The following DHRSX variants were observed in gnomAD, a reference collection of about 807,000 sequenced individuals.
The protein encoded by DHRSX is polyprenol dehydrogenase.
Under a neutral mutation model 34.0 loss-of-function variants are expected in DHRSX, and 31 were observed. The ratio of observed to expected loss-of-function variants is 0.91; its 90% CI spans 0.69 to 1.23. The LOEUF (loss-of-function observed/expected upper bound fraction) is 1.23, where lower values mean the gene tolerates loss of function less well. Ranked by LOEUF, DHRSX falls within the 50% of genes most tolerant of loss-of-function variation. The pLI, the probability that DHRSX is intolerant of heterozygous loss-of-function variation, is 0.00. For synonymous variants in DHRSX, 201 were observed against 183.8 expected, an observed-to-expected ratio of 1.09 and a Z score of -0.76; for missense variants, 414 against 428.1, an observed-to-expected ratio of 0.97 and a Z score of 0.29.
intron 3 of DHRSX, among the ~76,000 whole-genome samples, chrX:2,395,689 C>T (rs971252811): frequency 1.3e-5 from 2 of 152,086 alleles, no homozygotes; most frequent in African/African-American, 4.8e-5. Flanking sequence ...GAGGCCAACA[C>T]TTCAGAGTGA....
At chrX:2,378,677 A>C (rs1569495365) in intron 3 of DHRSX, among the ~76,000 whole-genome samples, 4 of 149,454 alleles carry the variant, frequency 2.7e-5, no homozygotes, top group African/African-American at 9.8e-5. Flanking sequence ...CTCTTGATTA[A>C]TTTTTTTTTT....
intron 3 of DHRSX, among the ~76,000 whole-genome samples, chrX:2,359,759 T>A (rs952585858): frequency 5.9e-5 from 9 of 152,062 alleles, no homozygotes; most frequent in African/African-American, 2.2e-4. Context: ...AAGAACAAGA[T>A]CATGTCCTTT....
chrX:2,239,923 A>G (rs1433419344), intron 6 of DHRSX, among the ~76,000 whole-genome samples: 1 of 152,230 alleles, frequency 6.6e-6, no homozygotes, highest in Non-Finnish European at 1.5e-5. Flanking sequence ...TTAATAAAAT[A>G]ACTAATATTT....
At chrX:2,259,294 A>G (rs1326429741) in intron 5 of DHRSX, among the ~76,000 whole-genome samples, 2 of 147,688 alleles carry the variant, frequency 1.4e-5, no homozygotes, top group Non-Finnish European at 3.0e-5. Context: ...ATATAGATAG[A>G]TATATAGATA....
intron 3 of DHRSX, among the ~76,000 whole-genome samples, chrX:2,384,898 C>A (rs2043251638): frequency 6.9e-6 from 1 of 145,520 alleles, no homozygotes; most frequent in Admixed American, 6.9e-5. Context: ...TACCCTAAAA[C>A]TTAAAGTATA....
chrX:2,387,023 C>T (rs2043280641), intron 3 of DHRSX, among the ~76,000 whole-genome samples: 1 of 152,006 alleles, frequency 6.6e-6, no homozygotes, highest in Non-Finnish European at 1.5e-5. Flanking sequence ...TTCTTACTAG[C>T]ACGAGAACTT....
chrX:2,364,979 G>C (rs144391389), intron 3 of DHRSX, among the ~76,000 whole-genome samples: 1 of 152,002 alleles, frequency 6.6e-6, no homozygotes, highest in Non-Finnish European at 1.5e-5. Context: ...GTTTTCAACT[G>C]AGCAAAATTT....
chrX:2,423,406 TG>T (rs1569499550), intron 2 of DHRSX, among the ~76,000 whole-genome samples: 2 of 54,188 alleles, frequency 3.7e-5, no homozygotes, highest in Non-Finnish European at 5.7e-5. Flanking sequence ...AGCAAGATTC[TG>T]TCTCAAAAAA....
At position 2,253,831 on chromosome X, in the gene DHRSX, C is replaced by T. The variant is rs185449047; in HGVS notation, c.597-10601G>A. Among the ~76,000 whole-genome samples the T allele has an allele frequency of 1.6e-3, 251 of 152,192 alleles. 1 individual carries two copies. The highest frequency in any genetic ancestry group is 5.7e-3 in the African/African-American group (236 of 41,552). On this transcript the variant is annotated intron_variant, in intron 5 of 6. Coordinates refer to ENST00000334651, the MANE Select transcript of DHRSX (RefSeq NM_145177.3). Reference sequence around the variant, plus strand: ...ATCCCAGCACTTTGGGAGGCCGAGGCGGGCGGATCACGAGGTCAGAATATC... The same window carrying T: ...ATCCCAGCACTTTGGGAGGCCGAGGTGGGCGGATCACGAGGTCAGAATATC...
At chrX:2,356,969 C>T (rs373275410) in intron 3 of DHRSX, among the ~76,000 whole-genome samples, 7 of 152,122 alleles carry the variant, frequency 4.6e-5, no homozygotes, top group Admixed American at 3.3e-4. Flanking sequence ...ATGGGCCAGG[C>T]GTAGGGGCTC....
chrX:2,484,237 T>C (rs1428893028), intron 1 of DHRSX, among the ~76,000 whole-genome samples: 2 of 152,166 alleles, frequency 1.3e-5, no homozygotes, highest in African/African-American at 4.8e-5. Flanking sequence ...CCTCCCAAAG[T>C]GCTGGGATGA....
chrX:2,245,005 C>T (rs1161220001), intron 5 of DHRSX, among the ~76,000 whole-genome samples: 5 of 152,052 alleles, frequency 3.3e-5, no homozygotes. Flanking sequence ...CCACTGTGCC[C>T]GGCCTAATTT....
intron 3 of DHRSX, among the ~76,000 whole-genome samples, chrX:2,301,191 T>A (rs2042004575): frequency 6.6e-6 from 1 of 152,158 alleles, no homozygotes; most frequent in East Asian, 1.9e-4. Context: ...AGGCGGGCGA[T>A]CACCTGAGTT....
chrX:2,311,413 G>A (rs1432823802), intron 3 of DHRSX, among the ~76,000 whole-genome samples: 1 of 152,022 alleles, frequency 6.6e-6, no homozygotes, highest in African/African-American at 2.4e-5. Flanking sequence ...AATGCTCCTC[G>A]GATACACAGC....
chrX:2,491,066 G>GTTTTTTTTTTTTTTTTT (rs900738620), intron 1 of DHRSX, among the ~76,000 whole-genome samples: 1 of 110,246 alleles, frequency 9.1e-6, no homozygotes. Flanking sequence ...AGTGCCTTTA[G>GTTTTTTTTTTTTTTTTT]TTTTTTTTTT....
intron 3 of DHRSX, among the ~76,000 whole-genome samples, chrX:2,304,237 ATGG>A (rs1569485912): frequency 5.1e-5 from 6 of 117,334 alleles, no homozygotes; most frequent in Non-Finnish European, 1.0e-4. Context: ...GGATGGATGG[ATGG>A]ATAAATGGAT....
At chrX:2,275,006 C>T (rs1005545113) in intron 4 of DHRSX, among the ~76,000 whole-genome samples, 1 of 151,966 alleles carries the variant, frequency 6.6e-6, no homozygotes, top group East Asian at 1.9e-4. Context: ...GATGATGGTA[C>T]CCCAGAGGAG....
chrX:2,468,982 G>A (rs1391849228), intron 1 of DHRSX, among the ~76,000 whole-genome samples: 2 of 151,832 alleles, frequency 1.3e-5, no homozygotes, highest in Admixed American at 6.6e-5. Flanking sequence ...CACTGAAGAC[G>A]TTCCCTAAGA....
chrX:2,481,637 G>A (rs2044773048), intron 1 of DHRSX, among the ~76,000 whole-genome samples: 1 of 152,028 alleles, frequency 6.6e-6, no homozygotes, highest in Non-Finnish European at 1.5e-5. Flanking sequence ...TTGCACTCCA[G>A]CCTGGGCAAC....
Sources: allele counts gnomAD v4.1 joint callset (sites outside exome capture counted in the v4.1 genomes callset), GRCh38; gene constraint gnomAD v4.1.1; transcripts MANE v1.5; gene names NCBI Gene and HGNC (gene_info 2026-07-23, HGNC 2026-07-21).